GNAI1: variants seen among roughly 807,000 people sequenced by gnomAD.
GNAI1 encodes the protein guanine nucleotide-binding protein G(i) subunit alpha-1.
A neutral mutation model predicts 38.9 loss-of-function variants in GNAI1; 11 were observed. That is an observed-to-expected ratio of 0.28 (90% confidence interval 0.18 to 0.47). The LOEUF is 0.47. Among genes scored for constraint, GNAI1 ranks in the 20% least tolerant of loss-of-function variants. The probability of loss-of-function intolerance (pLI) is 0.99; values close to 1 mark genes in which losing one functional copy is unlikely to be tolerated. For missense variants in GNAI1, 317 were observed against 436.9 expected, an observed-to-expected ratio of 0.73 and a Z score of 2.45; for synonymous variants, 166 against 145.1, an observed-to-expected ratio of 1.14 and a Z score of -1.04.
intron 1 of GNAI1, among the ~76,000 whole-genome samples, chr7:80,172,050 C>T (rs1584025605): frequency 6.6e-6 from 1 of 152,250 alleles, no homozygotes; most frequent in East Asian, 1.9e-4. Flanking sequence ...TTTCTGTAAT[C>T]TTTTACTGTC....
rs12538225 is a variant in GNAI1 at position 80,221,905 on chromosome 7, G to C, written c.*4412G>C. Among the ~76,000 whole-genome samples, 8,007 of 152,076 alleles carry C rather than the reference G, an allele frequency of 0.053. 306 individuals are homozygous for C. Among genetic ancestry groups the C allele is most frequent in the Admixed American group, 0.099 (1,513 of 15,278 alleles). On this transcript the variant is annotated 3_prime_UTR_variant, in exon 8 of 8. Coordinates refer to ENST00000649796, the MANE Select transcript of GNAI1 (RefSeq NM_002069.6). ...TCTGACCGCCTCGGCCTCCCAAAGT[G>C]CTGGGATTACAGACGTGAGCCACTG...
chr7:80,172,369 T>C (rs1007011085), intron 1 of GNAI1, among the ~76,000 whole-genome samples: 2 of 152,218 alleles, frequency 1.3e-5, no homozygotes, highest in African/African-American at 4.8e-5. Flanking sequence ...GTTTTGAATA[T>C]GTTAATATGC....
chr7:80,144,384 C>T (rs1380986998), intron 1 of GNAI1, among the ~76,000 whole-genome samples: 2 of 152,058 alleles, frequency 1.3e-5, no homozygotes, highest in Non-Finnish European at 2.9e-5. Flanking sequence ...CAAAGAGATT[C>T]CTGATAGAAC....
intron 3 of GNAI1, among the ~76,000 whole-genome samples, chr7:80,193,755 C>G (rs1318506427): frequency 2.0e-5 from 3 of 152,244 alleles, no homozygotes; most frequent in Middle Eastern, 3.4e-3. Flanking sequence ...TATGTTCACT[C>G]TGAGAGTTTT....
At chr7:80,207,352 T>C (rs1019895198) in intron 5 of GNAI1, among the ~76,000 whole-genome samples, 2 of 152,108 alleles carry the variant, frequency 1.3e-5, no homozygotes, top group Non-Finnish European at 2.9e-5. Context: ...CCTAGGTTTT[T>C]CAAACTTGTC....
intron 1 of GNAI1, chr7:80,136,018 AGAC>A (rs772102382): frequency 1.0e-6 from 1 of 985,528 alleles, no homozygotes; most frequent in Non-Finnish European, 1.2e-6. Flanking sequence ...GGGTCACGCC[AGAC>A]AACAGGGTTC....
intron 4 of GNAI1, among the ~76,000 whole-genome samples, chr7:80,200,268 G>A (rs1220667623): frequency 1.5e-5 from 2 of 133,656 alleles, no homozygotes; most frequent in Non-Finnish European, 3.0e-5. Context: ...TGAGTTTGCA[G>A]TGAGCCATGC....
chr7:80,179,448 T>C (rs960797236), intron 1 of GNAI1, among the ~76,000 whole-genome samples: 1 of 152,206 alleles, frequency 6.6e-6, no homozygotes, highest in East Asian at 1.9e-4. Flanking sequence ...TTTCTTTGGC[T>C]TATTAGGCAA....
intron 1 of GNAI1, among the ~76,000 whole-genome samples, chr7:80,188,125 G>A (rs150901610): frequency 1.4e-3 from 218 of 152,280 alleles, no homozygotes; most frequent in African/African-American, 4.8e-3. Context: ...CTCAGTGCTA[G>A]CAAGTCATGT....
At chr7:80,199,149 T>C in intron 3 of GNAI1, 76 bp from the exon 4 acceptor site, 4 of 1,009,020 alleles carry the variant, frequency 4.0e-6, no homozygotes, top group Non-Finnish European at 5.7e-6. Flanking sequence ...TTTTTTTAAC[T>C]CTAGAATTGT....
At chr7:80,200,501 T>C (rs1200010388) in intron 4 of GNAI1, among the ~76,000 whole-genome samples, 1 of 152,126 alleles carries the variant, frequency 6.6e-6, no homozygotes, top group East Asian at 1.9e-4. Flanking sequence ...TCCAGGATTG[T>C]TCCATTTTCT....
At chr7:80,194,125 C>T (rs1788527993) in intron 3 of GNAI1, among the ~76,000 whole-genome samples, 1 of 152,090 alleles carries the variant, frequency 6.6e-6, no homozygotes, top group South Asian at 2.1e-4. Context: ...TTTGGAATGC[C>T]TTTTCTTAGC....
chr7:80,217,313 A>G lies in GNAI1; in HGVS notation c.885A>G (p.Thr295=), dbSNP rs1490242462. The change falls in exon 8 of 8, where the codon ACA becomes ACG. Residue 295 remains threonine (T), a synonymous_variant. Coordinates refer to ENST00000649796, the MANE Select transcript of GNAI1 (RefSeq NM_002069.6). ...ICYPEYAGSN[T]YEEAAAYIQC... is the part of the protein sequence containing the mutation. ...CTTTTTCCATCTCAGGATCAAACAC[A>G]TATGAAGAGGCAGCTGCATATATTC... The G allele has an allele frequency of 6.3e-7, 1 of 1,575,974 alleles. No individual in the cohort carries two copies. Among genetic ancestry groups the G allele is most frequent in the Non-Finnish European group, 8.6e-7 (1 of 1,163,974 alleles).
At chr7:80,163,991 G>T (rs1275280631) in intron 1 of GNAI1, among the ~76,000 whole-genome samples, 5 of 147,596 alleles carry the variant, frequency 3.4e-5, no homozygotes, top group South Asian at 2.2e-4. Context: ...TTGGTGGGGG[G>T]ACCGAGTCTC....
At chr7:80,149,278 G>A (rs1652098097) in intron 1 of GNAI1, among the ~76,000 whole-genome samples, 1 of 152,016 alleles carries the variant, frequency 6.6e-6, no homozygotes, top group Admixed American at 6.6e-5. Context: ...GATAATTGAT[G>A]TCGCCTACAT....
chr7:80,215,158 A>C (rs1472015796), intron 7 of GNAI1, among the ~76,000 whole-genome samples: 3 of 152,178 alleles, frequency 2.0e-5, no homozygotes, highest in African/African-American at 7.2e-5. Context: ...ACACATTAAA[A>C]AACAATCTAT....
intron 5 of GNAI1, among the ~76,000 whole-genome samples, chr7:80,207,411 A>C (rs984505993): frequency 2.0e-5 from 3 of 152,080 alleles, no homozygotes; most frequent in Non-Finnish European, 4.4e-5. Flanking sequence ...GACTCTCAAC[A>C]TTATCCTTCC....
In GNAI1 at chr7:80,134,864, G is replaced by GA; in HGVS notation, c.-297_-296insA. 1 of 226,022 alleles carries GA rather than the reference G, an allele frequency of 4.4e-6. No homozygotes were observed. Among genetic ancestry groups the GA allele is most frequent in the Non-Finnish European group, 8.6e-6 (1 of 116,388 alleles). The allele number at this position is 226,022 out of a possible 1,614,324, so 14.0% of individuals were successfully genotyped here. The stretch of plus-strand genomic sequence containing the variant: ...CTGGGCTTGGCGAGGCTGCGGCGCG[G>GA]CCACCGGCGGGAGTGCAGCGGCCAC... On this transcript the variant is annotated 5_prime_UTR_variant, in exon 1 of 8. Transcript: ENST00000649796.
At chr7:80,171,652 T>C (rs1207522444) in intron 1 of GNAI1, among the ~76,000 whole-genome samples, 2 of 152,240 alleles carry the variant, frequency 1.3e-5, no homozygotes, top group Non-Finnish European at 2.9e-5. Flanking sequence ...TGATGTACTT[T>C]GATAGATTCT....
Sources: allele counts gnomAD v4.1 joint callset (sites outside exome capture counted in the v4.1 genomes callset), GRCh38; gene constraint gnomAD v4.1.1; transcripts MANE v1.5; gene names NCBI Gene and HGNC (gene_info 2026-07-23, HGNC 2026-07-21).